NOD2: variants seen among roughly 807,000 people sequenced by gnomAD.
NOD2 encodes the protein nucleotide-binding oligomerization domain-containing protein 2.
NOD2 carries 86 observed loss-of-function variants against 90.9 expected under a neutral mutation model. The observed-to-expected ratio is 0.95, with a 90% CI of 0.79 to 1.13. The LOEUF (loss-of-function observed/expected upper bound fraction) is 1.13. NOD2 is among the 50% of genes most tolerant of loss of function. The pLI, the probability that NOD2 is intolerant of heterozygous loss-of-function variation, is 0.00. For synonymous variants in NOD2, 581 were observed against 554.6 expected (o/e 1.05, Z -0.67); for missense variants, 1,238 against 1,283.8 (o/e 0.96, Z 0.55).
Position 50,731,999 on chromosome 16 carries a change from T to C in NOD2, c.*180T>C, listed in dbSNP as rs1301794354. On this transcript the variant is annotated 3_prime_UTR_variant, in exon 12 of 12. Transcript: ENST00000647318. Reference sequence around the variant, plus strand: ...ATTCTGGCAGAGGAGGGAGCATCAGTGCCCTCCAGGATAGACTTTTCCCAA... The same window carrying C: ...ATTCTGGCAGAGGAGGGAGCATCAGCGCCCTCCAGGATAGACTTTTCCCAA... 1.5e-5 allele frequency: 10 copies of C among 659,734 alleles called. No individual in the cohort carries two copies. Among genetic ancestry groups the C allele is most frequent in the Non-Finnish European group, 2.8e-5 (10 of 360,148 alleles). 40.9% of individuals were successfully genotyped at this position (659,734 alleles called of 1,614,324 possible). A position where few individuals can be genotyped will look rare whatever the true frequency, so the allele number is the denominator to read the frequency against.
chr16:50,709,097 C>A (rs902083026), intron 3 of NOD2, among the ~76,000 whole-genome samples: 1 of 151,950 alleles, frequency 6.6e-6, no homozygotes, highest in African/African-American at 2.4e-5. Context: ...GACTGGAAAA[C>A]CTGCATCAGA....
chr16:50,711,852 G>T lies in NOD2; in HGVS notation c.1860G>T (p.Met620Ile), dbSNP rs1278886589. 6.2e-7 allele frequency: 1 copy of T among 1,612,578 alleles called. No homozygotes were observed. The highest frequency in any genetic ancestry group is 1.7e-5 in the Admixed American group (1 of 60,008). Residue 620 changes from methionine (M) to isoleucine (I), a missense_variant, in exon 4 of 12, where the codon ATG becomes ATT. Met to Ile is a conservative substitution (Grantham distance 10). Transcript: ENST00000647318. Reference protein sequence around the residue: ...NSPMARLLPTMCIQASEGKDS... With the variant: ...NSPMARLLPTICIQASEGKDS... ...CAATGGCCAGGCTCCTGCCCACGAT[G>T]TGCATCCAGGCCTCGGAGGGAAAGG...
At chr16:50,703,683 CAAAAAAA>C (rs1043742883) in intron 2 of NOD2, among the ~76,000 whole-genome samples, 1 of 56,444 alleles carries the variant, frequency 1.8e-5, no homozygotes, top group Non-Finnish European at 4.0e-5. Context: ...GACTCTGTCT[CAAAAAAA>C]AAAAAAAAAA....
At chr16:50,727,719 G>A (rs1596912949) in intron 10 of NOD2, 3 of 351,294 alleles carry the variant, frequency 8.5e-6, no homozygotes, top group African/African-American at 4.3e-5. Flanking sequence ...ACATGCAGTC[G>A]GGTGTTGTCG....
intron 2 of NOD2, among the ~76,000 whole-genome samples, chr16:50,706,937 A>T (rs1046319278): frequency 2.6e-5 from 4 of 152,078 alleles, no homozygotes; most frequent in African/African-American, 9.7e-5. Flanking sequence ...ACCTTAGGGG[A>T]TCTACCCGCC....
chr16:50,728,811 C>T (rs1965354349), intron 10 of NOD2, among the ~76,000 whole-genome samples: 1 of 152,198 alleles, frequency 6.6e-6, no homozygotes, highest in African/African-American at 2.4e-5. Context: ...CCTATCCTGT[C>T]TCCCCTCCCT....
intron 9 of NOD2, among the ~76,000 whole-genome samples, chr16:50,723,838 A>T (rs1965173378): frequency 6.6e-6 from 1 of 152,196 alleles, no homozygotes; most frequent in Admixed American, 6.5e-5. Context: ...TGCTCCATAA[A>T]TGTTAAATTA....
intron 4 of NOD2, chr16:50,712,732 A>C: frequency 2.9e-6 from 1 of 340,722 alleles, no homozygotes. Context: ...GGGTTCACAA[A>C]TTGCATCATT....
At chr16:50,706,020 G>A (rs1964172184) in intron 2 of NOD2, among the ~76,000 whole-genome samples, 1 of 152,156 alleles carries the variant, frequency 6.6e-6, no homozygotes, top group Non-Finnish European at 1.5e-5. Flanking sequence ...TTTGGGAAGG[G>A]GATAAATGAT....
chr16:50,705,095 A>C (rs1232273814), intron 2 of NOD2, among the ~76,000 whole-genome samples: 1 of 152,022 alleles, frequency 6.6e-6, no homozygotes, highest in Non-Finnish European at 1.5e-5. Context: ...TCTATTTTCC[A>C]TCTCTGTGTC....
intron 2 of NOD2, among the ~76,000 whole-genome samples, chr16:50,700,802 TTAACA>T (rs1384628971): frequency 6.6e-6 from 1 of 152,258 alleles, no homozygotes; most frequent in Non-Finnish European, 1.5e-5. Context: ...TATTTTATAA[TTAACA>T]TAGCATATTA....
At position 50,719,990 on chromosome 16, in the gene NOD2, C is replaced by A. The variant is rs770454777; in HGVS notation, c.2615C>A (p.Thr872Asn). 2 of 1,614,168 alleles carry A rather than the reference C, an allele frequency of 1.2e-6. No homozygotes were observed. The highest frequency in any genetic ancestry group is 1.7e-6 in the Non-Finnish European group (2 of 1,180,016). ...CTGGCCGAGGGGCTCCGAGGCAACACCTCCTTGCAGTTCCTGGGGTAGGTT... is the reference window on the plus strand; with the variant it reads ...CTGGCCGAGGGGCTCCGAGGCAACAACTCCTTGCAGTTCCTGGGGTAGGTT... The part of the protein sequence containing the change: ...QVLAEGLRGN[T>N]SLQFLGFWGN... Residue 872 changes from threonine to asparagine, a missense_variant, in exon 7 of 12, where the codon ACC (threonine) becomes AAC (asparagine). Around this residue, in one of 3 missense-constraint regions of NOD2, gnomAD observed 667 missense variants for 688.7 expected, o/e 0.97. Transcript: ENST00000647318.
At chr16:50,699,976 T>A in intron 2 of NOD2, 22 bp downstream of exon 2, 1 of 1,594,120 alleles carries the variant, frequency 6.3e-7, no homozygotes, top group Non-Finnish European at 8.5e-7. Flanking sequence ...CTGGTGTGCA[T>A]CACAGAGTTC....
chr16:50,696,838 G>A (rs567791346), intron 1 of NOD2, among the ~76,000 whole-genome samples: 6 of 152,356 alleles, frequency 3.9e-5, no homozygotes, highest in African/African-American at 1.2e-4. Flanking sequence ...TGGCTTGGGC[G>A]GGCCTCCCCT....
At chr16:50,695,422 C>T (rs1164376899) in intron 1 of NOD2, among the ~76,000 whole-genome samples, 6 of 152,192 alleles carry the variant, frequency 3.9e-5, no homozygotes, top group Non-Finnish European at 8.8e-5. Context: ...AGTTGCTTAG[C>T]GGAGAGATCA....
chr16:50,710,782 G>A lies in NOD2; in HGVS notation c.790G>A (p.Asp264Asn), dbSNP rs104895424. The change falls in exon 4 of 12, where the codon GAT becomes AAT. Residue 264 changes from aspartate (D) to asparagine (N), a missense_variant. This residue lies in a region of NOD2 where 567 missense variants were observed against 577.3 expected (regional missense o/e 0.98). Coordinates refer to ENST00000647318, the MANE Select transcript of NOD2 (RefSeq NM_001370466.1). ...CAGCACCCCTGGCCACCTCAATGAC[G>A]ATGCGGACACTGTGCTGGTGGTGGG... is the stretch of plus-strand genomic sequence containing the variant. ...LFSTPGHLND[D>N]ADTVLVVGEA... is the part of the protein sequence containing the mutation. 1.7e-5 allele frequency: 27 copies of A among 1,614,000 alleles called. No individual in the cohort carries two copies. Among genetic ancestry groups the A allele is most frequent in the African/African-American group, 2.7e-5 (2 of 74,922 alleles).
At chr16:50,717,123 T>C in intron 6 of NOD2, 149 bp downstream of exon 6, 1 of 741,952 alleles carries the variant, frequency 1.3e-6, no homozygotes, top group Admixed American at 2.0e-5. Flanking sequence ...GCAGGGGTTC[T>C]CTAATGCTGT....
rs141309626 is a variant in NOD2, at chr16:50,703,588, G to A, written c.459+3634G>A. On this transcript the variant is annotated intron_variant, in intron 2 of 11. Coordinates refer to ENST00000647318, the MANE Select transcript of NOD2 (RefSeq NM_001370466.1). Reference sequence around the variant, plus strand: ...CGGGAGGCAGATGTTGCAGTGAGCCGAGATCGCACTGCTTGAACCCGGGAG... The same window carrying A: ...CGGGAGGCAGATGTTGCAGTGAGCCAAGATCGCACTGCTTGAACCCGGGAG... Among the ~76,000 whole-genome samples, 464 of 150,986 alleles carry A rather than the reference G, an allele frequency of 3.1e-3. 6 individuals are homozygous for A. Among genetic ancestry groups the A allele is most frequent in the African/African-American group, 0.011 (436 of 40,984 alleles).
chr16:50,732,042 A>T lies in NOD2; in HGVS notation c.*223A>T, dbSNP rs1405324902. 2 of 564,820 alleles carry T rather than the reference A, an allele frequency of 3.5e-6. No homozygotes were observed. The highest frequency in any genetic ancestry group is 6.5e-6 in the Non-Finnish European group (2 of 309,346). 35.0% of individuals were successfully genotyped at this position (564,820 alleles called of 1,614,324 possible). A position where few individuals can be genotyped will look rare whatever the true frequency, so the allele number is the denominator to read the frequency against. On this transcript the variant is annotated 3_prime_UTR_variant, in exon 12 of 12. Transcript: ENST00000647318. ...TTTCCCAAGCCTACTTTTGCCATTG[A>T]CTTCTTCCCAAGATTCAATCCCAGG... is the stretch of plus-strand genomic sequence containing the variant.
Sources: allele counts gnomAD v4.1 joint callset (sites outside exome capture counted in the v4.1 genomes callset), GRCh38; gene constraint gnomAD v4.1.1; regional missense constraint gnomAD v4.1.1; transcripts MANE v1.5; gene names NCBI Gene and HGNC (gene_info 2026-07-23, HGNC 2026-07-21).